Variants in CHST3 observed in about 807,000 individuals in gnomAD.
The protein encoded by CHST3 is carbohydrate sulfotransferase 3.
CHST3 carries 20 observed loss-of-function variants against 35.4 expected under a neutral mutation model. The ratio of observed to expected loss-of-function variants is 0.57; its 90% CI spans 0.40 to 0.82. The LOEUF (loss-of-function observed/expected upper bound fraction) is 0.82, where lower values mean the gene tolerates loss of function less well. CHST3 is among the 40% of genes least tolerant of loss of function. CHST3 has a pLI of 0.00. For missense variants in CHST3, 693 were observed against 670.1 expected, an observed-to-expected ratio of 1.03 and a Z score of -0.38; for synonymous variants, 334 against 295.9, an observed-to-expected ratio of 1.13 and a Z score of -1.32.
At chr10:71,973,982 A>G (rs1839720866) in intron 1 of CHST3, among the ~76,000 whole-genome samples, 2 of 151,950 alleles carry the variant, frequency 1.3e-5, no homozygotes, top group South Asian at 4.2e-4. Context: ...GGGAACCCCA[A>G]CTCCCCACTT....
chr10:71,964,845 G>T (rs1000223030), intron 1 of CHST3, among the ~76,000 whole-genome samples, 151 bp downstream of exon 1: 3 of 152,290 alleles, frequency 2.0e-5, no homozygotes, highest in East Asian at 1.9e-4. Flanking sequence ...TTCCCAGCTC[G>T]GGGAAAAGCC....
chr10:71,995,069 C>A (rs561091240), intron 1 of CHST3, among the ~76,000 whole-genome samples: 93 of 152,298 alleles, frequency 6.1e-4, no homozygotes, highest in Non-Finnish European at 1.1e-3. Flanking sequence ...ATATCAGCAA[C>A]AAGTCTTTTT....
At chr10:71,987,833 C>T (rs4747229) in intron 1 of CHST3, among the ~76,000 whole-genome samples, 58,042 of 151,934 alleles carry the variant, frequency 0.38, 12,009 homozygotes, top group Non-Finnish European at 0.48. Flanking sequence ...GATCAGAAAG[C>T]CTCCTTAGAA....
Position 72,007,399 on chromosome 10 carries a change from C to T in CHST3, c.368C>T (p.Pro123Leu), listed in dbSNP as rs753956495. ...EEEEQRKEEEPPRPAVAGPRR... is the reference protein window; with the variant it reads ...EEEEQRKEEELPRPAVAGPRR... ...GAAGAGCAGAGAAAGGAGGAGGAGCCGCCCAGACCGGCCGTGGCGGGGCCC... is the reference window on the plus strand; with the variant it reads ...GAAGAGCAGAGAAAGGAGGAGGAGCTGCCCAGACCGGCCGTGGCGGGGCCC... Residue 123 changes from proline (P) to leucine (L), a missense_variant, in exon 3 of 3, where the codon CCG (proline) becomes CTG (leucine). Transcript: ENST00000373115. The T allele has an allele frequency of 3.1e-5, 49 of 1,605,356 alleles. No homozygotes were observed. The East Asian group carries it at 4.9e-4, about 16-fold the overall frequency.
intron 1 of CHST3, among the ~76,000 whole-genome samples, chr10:72,005,116 C>A (rs1840025767): frequency 6.6e-6 from 1 of 152,174 alleles, no homozygotes; most frequent in African/African-American, 2.4e-5. Flanking sequence ...CATAGTGAGA[C>A]CCTGTCTCAA....
chr10:71,992,569 T>G (rs1839906268), intron 1 of CHST3, among the ~76,000 whole-genome samples: 1 of 152,244 alleles, frequency 6.6e-6, no homozygotes, highest in Non-Finnish European at 1.5e-5. Flanking sequence ...CATGCAATGC[T>G]GTTTGATTCA....
At chr10:71,983,269 C>T (rs1227277362) in intron 1 of CHST3, among the ~76,000 whole-genome samples, 1 of 152,194 alleles carries the variant, frequency 6.6e-6, no homozygotes, top group Non-Finnish European at 1.5e-5. Context: ...ATGCAGCAAC[C>T]CAGCTCCCAT....
At chr10:71,968,010 G>C (rs1344973607) in intron 1 of CHST3, among the ~76,000 whole-genome samples, 1 of 144,480 alleles carries the variant, frequency 6.9e-6, no homozygotes, top group Admixed American at 7.2e-5. Context: ...TAGAGACGAG[G>C]TTTCACCATG....
intron 1 of CHST3, among the ~76,000 whole-genome samples, chr10:72,000,313 T>C (rs1839980961): frequency 6.6e-6 from 1 of 152,066 alleles, no homozygotes; most frequent in South Asian, 2.1e-4. Flanking sequence ...GATGCAAGGG[T>C]GGAGCAGACA....
intron 1 of CHST3, among the ~76,000 whole-genome samples, chr10:71,993,035 G>A (rs773408077): frequency 1.3e-5 from 2 of 152,154 alleles, no homozygotes; most frequent in Non-Finnish European, 2.9e-5. Flanking sequence ...TTTGAATGTG[G>A]CCCAACACAA....
chr10:71,979,691 T>G (rs1422304459), intron 1 of CHST3, among the ~76,000 whole-genome samples: 2 of 152,164 alleles, frequency 1.3e-5, no homozygotes, highest in Non-Finnish European at 2.9e-5. Flanking sequence ...TTGTTTTTAT[T>G]TTTTTTCTCT....
At chr10:71,970,135 A>C (rs1839676486) in intron 1 of CHST3, among the ~76,000 whole-genome samples, 1 of 151,994 alleles carries the variant, frequency 6.6e-6, no homozygotes, top group African/African-American at 2.4e-5. Context: ...TATTGCCCCA[A>C]ATCTGGCCTG....
In CHST3 at chr10:72,007,433, C is replaced by G; in HGVS notation, c.402C>G (p.His134Gln). The stretch of plus-strand genomic sequence containing the variant: ...CGGCCGTGGCGGGGCCCCGGCGCCA[C>G]GTGCTGCTCATGGCCACCACGCGCA... The part of the protein sequence containing the change: ...PRPAVAGPRR[H>Q]VLLMATTRTG... The change falls in exon 3 of 3, where the codon CAC becomes CAG. Residue 134 changes from histidine (H) to glutamine (Q), a missense_variant. By Grantham distance (24) the His-to-Gln change is conservative. Coordinates refer to ENST00000373115, the MANE Select transcript of CHST3 (RefSeq NM_004273.5). 1 of 1,603,770 alleles carries G rather than the reference C, an allele frequency of 6.2e-7. No homozygotes were observed. Among genetic ancestry groups the G allele is most frequent in the Non-Finnish European group, 8.5e-7 (1 of 1,179,222 alleles).
In CHST3 at chr10:72,007,537, A is replaced by G; in HGVS notation, c.506A>G (p.Glu169Gly). 6.2e-7 allele frequency: 1 copy of G among 1,605,236 alleles called. No individual in the cohort carries two copies. The highest frequency in any genetic ancestry group is 8.5e-7 in the Non-Finnish European group (1 of 1,179,788). The change falls in exon 3 of 3, where the codon GAG (glutamate) becomes GGG (glycine). Residue 169 changes from glutamate to glycine, a missense_variant. Transcript: ENST00000373115. Reference sequence around the variant, plus strand: ...CTCTTCGAGCCGCTGTGGCACATCGAGCGCACAGTGTCCTTCGAGCCGGGG... The same window carrying G: ...CTCTTCGAGCCGCTGTGGCACATCGGGCGCACAGTGTCCTTCGAGCCGGGG... ...FYLFEPLWHI[E>G]RTVSFEPGGA...
chr10:71,971,899 G>T (rs548777553), intron 1 of CHST3, among the ~76,000 whole-genome samples: 3 of 152,334 alleles, frequency 2.0e-5, no homozygotes, highest in African/African-American at 7.2e-5. Context: ...TCACCCACCA[G>T]AGGATGAAGA....
At position 72,003,133 on chromosome 10, in the gene CHST3, T is replaced by G. The variant is rs544406069; in HGVS notation, c.-107-2603T>G. ...TAGTTGCTGCCTCACAGGGCTTTGC[T>G]GAGGATTTGATGAGTGCAAGTGCTT... On this transcript the variant is annotated intron_variant, in intron 1 of 2. Coordinates refer to ENST00000373115, the MANE Select transcript of CHST3 (RefSeq NM_004273.5). Among the ~76,000 whole-genome samples, 4 of 152,300 alleles carry G rather than the reference T, an allele frequency of 2.6e-5. No individual in the cohort carries two copies. In the East Asian group the frequency reaches 7.7e-4, roughly 29 times the overall value.
rs535661334 is a variant in CHST3 at position 72,000,099 on chromosome 10, G to A, written c.-107-5637G>A. ...CTCAGCATGCACCTGTGGCCCACAC[G>A]CTCATGCTCACAGCCACTCATGTAT... On this transcript the variant is annotated intron_variant, in intron 1 of 2. Transcript: ENST00000373115. 3.2e-4 allele frequency among the ~76,000 whole-genome samples: 49 copies of A among 151,744 alleles called. 2 individuals are homozygous for A. The South Asian group carries it at 9.6e-3, about 30-fold the overall frequency.
chr10:72,006,086 C>A, intron 2 of CHST3, 104 bp downstream of exon 2: 1 of 1,425,950 alleles, frequency 7.0e-7, no homozygotes. Context: ...TGCATTCCTT[C>A]AACGAGCCAT....
At chr10:72,007,023 A>T in intron 2 of CHST3, 149 bp from the exon 3 acceptor site, 1 of 859,114 alleles carries the variant, frequency 1.2e-6, no homozygotes, top group Non-Finnish European at 1.9e-6. Flanking sequence ...AAATAAACTT[A>T]CTTAAACACA....
Sources: gnomAD v4.1 joint callset for allele counts (sites outside exome capture counted in the v4.1 genomes callset) on GRCh38, gnomAD v4.1.1 for gene constraint, MANE v1.5 for transcripts, NCBI Gene and HGNC (gene_info 2026-07-23, HGNC 2026-07-21) for gene names.